Variants in CTNNA3 observed in about 807,000 individuals in gnomAD.
The protein encoded by CTNNA3 is catenin alpha 3, also known as catenin alpha-3.
In CTNNA3, 76 loss-of-function variants were observed where a neutral mutation model predicts 95.7. That is an observed-to-expected ratio of 0.79 (90% confidence interval 0.66 to 0.96). The LOEUF (loss-of-function observed/expected upper bound fraction) is 0.96, where lower values mean the gene tolerates loss of function less well. CTNNA3 is among the 40% of genes least tolerant of loss of function. The probability of loss-of-function intolerance (pLI) is 0.00; values close to 1 mark genes in which losing one functional copy is unlikely to be tolerated. For synonymous variants in CTNNA3, 431 were observed against 374.4 expected (o/e 1.15, Z -1.74); for missense variants, 1,191 against 1,089.8 (o/e 1.09, Z -1.31).
intron 1 of CTNNA3, among the ~76,000 whole-genome samples, chr10:67,710,697 A>G (rs1841102496): frequency 6.6e-6 from 1 of 152,174 alleles, no homozygotes; most frequent in African/African-American, 2.4e-5. Context: ...GTTGTAAACC[A>G]TTATCTGTAT....
chr10:66,029,163 A>T (rs1257979150), intron 15 of CTNNA3, among the ~76,000 whole-genome samples: 1 of 152,166 alleles, frequency 6.6e-6, no homozygotes, highest in South Asian at 2.1e-4. Flanking sequence ...GCATTCTTAC[A>T]TAGCTTCTAA....
At chr10:67,125,318 C>T (rs1200808931) in intron 7 of CTNNA3, among the ~76,000 whole-genome samples, 1 of 152,038 alleles carries the variant, frequency 6.6e-6, no homozygotes, top group African/African-American at 2.4e-5. Flanking sequence ...GTGTGACTGT[C>T]ATTTGTCTAA....
intron 9 of CTNNA3, among the ~76,000 whole-genome samples, chr10:66,629,638 C>T (rs559524246): frequency 1.3e-5 from 2 of 152,210 alleles, no homozygotes; most frequent in South Asian, 2.1e-4. Context: ...CCATCATCAC[C>T]TTTCCATCCC....
intron 7 of CTNNA3, among the ~76,000 whole-genome samples, chr10:66,834,229 T>A (rs554734934): frequency 6.6e-6 from 1 of 152,322 alleles, no homozygotes; most frequent in African/African-American, 2.4e-5. Flanking sequence ...ATTAAGTAGA[T>A]AATCAGATGC....
intron 7 of CTNNA3, among the ~76,000 whole-genome samples, chr10:66,803,813 C>T (rs183138335): frequency 2.0e-5 from 3 of 152,144 alleles, no homozygotes; most frequent in Admixed American, 6.6e-5. Flanking sequence ...CTCTTAATCA[C>T]TAAGTAGGAT....
intron 13 of CTNNA3, among the ~76,000 whole-genome samples, chr10:66,204,891 G>T (rs879376172): frequency 1.3e-5 from 2 of 152,014 alleles, no homozygotes; most frequent in Admixed American, 1.3e-4. Flanking sequence ...ATAACTAATG[G>T]CACATATTAT....
intron 7 of CTNNA3, among the ~76,000 whole-genome samples, chr10:66,817,531 A>G (rs1331857866): frequency 6.6e-6 from 1 of 152,052 alleles, no homozygotes; most frequent in African/African-American, 2.4e-5. Context: ...AAGGAATAGT[A>G]TGAACAACTA....
chr10:66,385,061 A>T (rs1221149504), intron 11 of CTNNA3, among the ~76,000 whole-genome samples: 1 of 152,142 alleles, frequency 6.6e-6, no homozygotes, highest in Admixed American at 6.5e-5. Flanking sequence ...CACATTCAAA[A>T]CCTAGCAGAA....
At chr10:66,678,256 C>G (rs909339062) in intron 9 of CTNNA3, among the ~76,000 whole-genome samples, 8 of 152,146 alleles carry the variant, frequency 5.3e-5, no homozygotes, top group African/African-American at 1.9e-4. Flanking sequence ...GTAGTTCCCT[C>G]ATCTATGCTT....
At chr10:66,603,936 T>C (rs1844023109) in intron 10 of CTNNA3, among the ~76,000 whole-genome samples, 1 of 151,986 alleles carries the variant, frequency 6.6e-6, no homozygotes, top group Non-Finnish European at 1.5e-5. Flanking sequence ...AATAAAATTA[T>C]ATTAAAAACA....
At chr10:66,840,323 A>ATCTCTCTCTCTCTC (rs71035189) in intron 7 of CTNNA3, among the ~76,000 whole-genome samples, 33 of 90,668 alleles carry the variant, frequency 3.6e-4, no homozygotes, top group Admixed American at 1.0e-3. Context: ...CCAAGAAGCC[A>ATCTCTCTCTCTCTC]TCTCTCTCTC....
chr10:67,696,451 T>C (rs189562376), upstream of CTNNA3, among the ~76,000 whole-genome samples: 1 of 152,094 alleles, frequency 6.6e-6, no homozygotes, highest in African/African-American at 2.4e-5. Flanking sequence ...AAAACAAGAG[T>C]CCAGGAAATC....
intron 14 of CTNNA3, among the ~76,000 whole-genome samples, chr10:66,080,428 A>G (rs1372172275): frequency 6.6e-6 from 1 of 152,158 alleles, no homozygotes; most frequent in Admixed American, 6.6e-5. Context: ...ATTTGTGTAC[A>G]TGTGAAGGTT....
chr10:67,365,967 G>A (rs888687452), intron 5 of CTNNA3, among the ~76,000 whole-genome samples: 3 of 152,158 alleles, frequency 2.0e-5, no homozygotes, highest in African/African-American at 7.2e-5. Context: ...CAAAGACTTG[G>A]ACCCAACCCA....
At chr10:66,325,268 AAAG>A (rs2092240686) in intron 12 of CTNNA3, among the ~76,000 whole-genome samples, 1 of 152,154 alleles carries the variant, frequency 6.6e-6, no homozygotes, top group African/African-American at 2.4e-5. Context: ...GGTGAAAGAA[AAAG>A]AAACATTAAA....
chr10:66,038,469 T>C (rs2079613338), intron 15 of CTNNA3, among the ~76,000 whole-genome samples: 1 of 152,172 alleles, frequency 6.6e-6, no homozygotes, highest in East Asian at 1.9e-4. Flanking sequence ...GAGCCTATGC[T>C]GTCTCATTGT....
chr10:65,921,930 A>G (rs551250531), intron 17 of CTNNA3, among the ~76,000 whole-genome samples: 25 of 152,070 alleles, frequency 1.6e-4, no homozygotes, highest in Non-Finnish European at 3.7e-4. Flanking sequence ...ATAATTGCTA[A>G]TATCTATTAT....
chr10:66,727,408 G>A (rs1421452283), intron 9 of CTNNA3, among the ~76,000 whole-genome samples: 2 of 151,740 alleles, frequency 1.3e-5, no homozygotes, highest in East Asian at 1.9e-4. Flanking sequence ...CTAGTCAAGG[G>A]GAAAAAATAA....
intron 10 of CTNNA3, among the ~76,000 whole-genome samples, chr10:66,563,730 T>C (rs746775241): frequency 2.6e-5 from 4 of 152,086 alleles, no homozygotes; most frequent in African/African-American, 4.8e-5. Context: ...CAGAACTAAG[T>C]CATCCCTCTG....
Sources: allele counts gnomAD v4.1 joint callset (sites outside exome capture counted in the v4.1 genomes callset), GRCh38; gene constraint gnomAD v4.1.1; transcripts MANE v1.5; gene names NCBI Gene and HGNC (gene_info 2026-07-23, HGNC 2026-07-21).